Variants in CELF1 observed in about 807,000 individuals in gnomAD.
CELF1 encodes CUGBP Elav-like family member 1, also known as 50 kDa nuclear polyadenylated RNA-binding protein.
In CELF1, 10 loss-of-function variants were observed where a neutral mutation model predicts 61.8. The observed-to-expected ratio is 0.16, with a 90% CI of 0.10 to 0.27. The LOEUF (loss-of-function observed/expected upper bound fraction) is 0.27, where lower values mean the gene tolerates loss of function less well. CELF1 is among the 10% of genes least tolerant of loss of function. The probability of loss-of-function intolerance (pLI) is 1.00; values close to 1 mark genes in which losing one functional copy is unlikely to be tolerated. For missense variants in CELF1, 380 were observed against 639.1 expected, an observed-to-expected ratio of 0.59 and a Z score of 4.37; for synonymous variants, 236 against 225.1, an observed-to-expected ratio of 1.05 and a Z score of -0.43.
chr11:47,565,169 T>TG (rs11388224), intron 1 of CELF1: 151,958 of 152,644 alleles, frequency 1, 75,640 homozygotes, highest in Middle Eastern at 1. Context: ...CACCCGCACC[T>TG]GGGTCACTGC....
Position 47,486,913 on chromosome 11 carries a change from C to G in CELF1, c.343-115G>C, listed in dbSNP as rs973411076. 3.5e-6 allele frequency: 3 copies of G among 848,278 alleles called. No homozygotes were observed. The African/African-American group carries it at 5.1e-5, about 14-fold the overall frequency. 52.5% of individuals were successfully genotyped at this position (848,278 alleles called of 1,614,324 possible). A position where few individuals can be genotyped will look rare whatever the true frequency, so the allele number is the denominator to read the frequency against. On this transcript the variant is annotated intron_variant, in intron 5 of 14. Coordinates refer to ENST00000687097, the MANE Select transcript of CELF1 (RefSeq NM_001376376.1). The stretch of plus-strand genomic sequence containing the variant: ...TAAAGAGTTCTCTCTGAACTCATGT[C>G]TGCTTCATGATCTTTCCCCAGAAAA...
At chr11:47,545,915 AT>A (rs11315630) in intron 1 of CELF1, among the ~76,000 whole-genome samples, 28,220 of 135,624 alleles carry the variant, frequency 0.21, 3,438 homozygotes, top group East Asian at 0.31. Flanking sequence ...GTATATATAT[AT>A]TTTTTTTTTT....
intron 9 of CELF1, among the ~76,000 whole-genome samples, chr11:47,479,229 CA>C (rs2081607225): frequency 6.6e-6 from 1 of 152,118 alleles, no homozygotes; most frequent in African/African-American, 2.4e-5. Context: ...CAGCAAAGGA[CA>C]GAACTACAGC....
intron 1 of CELF1, among the ~76,000 whole-genome samples, chr11:47,544,843 T>A (rs1190790826): frequency 2.0e-5 from 3 of 151,486 alleles, no homozygotes; most frequent in African/African-American, 7.3e-5. Context: ...ATGCCTATAA[T>A]CCCAGCTACT....
At position 47,502,658 on chromosome 11, in the gene CELF1, C is replaced by T. The variant is rs564738580; in HGVS notation, c.-153-1726G>A. Among the ~76,000 whole-genome samples, 61 of 152,192 alleles carry T rather than the reference C, an allele frequency of 4.0e-4. 1 individual carries two copies. In the South Asian group the frequency reaches 0.011, roughly 28 times the overall value. On this transcript the variant is annotated intron_variant, in intron 1 of 14. Coordinates refer to ENST00000687097, the MANE Select transcript of CELF1 (RefSeq NM_001376376.1). Reference sequence around the variant, plus strand: ...CCATCCTGGCTAACACGGTGAAACCCTGTCTCTACTAAAAATACAAAAAAT... The same window carrying T: ...CCATCCTGGCTAACACGGTGAAACCTTGTCTCTACTAAAAATACAAAAAAT...
Position 47,525,253 on chromosome 11 carries a change from A to G in CELF1, c.-153-24321T>C, listed in dbSNP as rs144554700. On this transcript the variant is annotated intron_variant, in intron 1 of 14. Coordinates refer to ENST00000687097, the MANE Select transcript of CELF1 (RefSeq NM_001376376.1). ...AACTCTAATATAATTTTTAAAATCTATGTCTGAGGATGATGGCTTATATAA... is the reference window on the plus strand; with the variant it reads ...AACTCTAATATAATTTTTAAAATCTGTGTCTGAGGATGATGGCTTATATAA... Among the ~76,000 whole-genome samples, 860 of 152,264 alleles carry G rather than the reference A, an allele frequency of 5.6e-3. 11 individuals are homozygous for G. The highest frequency in any genetic ancestry group is 0.019 in the African/African-American group (778 of 41,540).
At chr11:47,480,107 T>TTTTTA (rs2082160238) in intron 9 of CELF1, among the ~76,000 whole-genome samples, 2 of 151,032 alleles carry the variant, frequency 1.3e-5, no homozygotes, top group African/African-American at 4.9e-5. Flanking sequence ...TTTTTTTTTT[T>TTTTTA]GAGACGGAGT....
chr11:47,522,213 G>A lies in CELF1; in HGVS notation c.-153-21281C>T, dbSNP rs376666031. Among the ~76,000 whole-genome samples the A allele has an allele frequency of 1.1e-3, 170 of 151,082 alleles. 3 individuals are homozygous for A. The South Asian group carries it at 0.035, about 31-fold the overall frequency. ...CAGGTGTGAGCCACCTTGCCCAGCT[G>A]AAATTTTTTTTATCATTAACACTTG... On this transcript the variant is annotated intron_variant, in intron 1 of 14. Transcript: ENST00000687097.
At chr11:47,495,415 A>T (rs1024219239) in intron 3 of CELF1, among the ~76,000 whole-genome samples, 1 of 152,130 alleles carries the variant, frequency 6.6e-6, no homozygotes, top group Non-Finnish European at 1.5e-5. Context: ...AGAAGAGGGG[A>T]ATGGTTGCTA....
chr11:47,472,977 C>A, intron 14 of CELF1, 111 bp downstream of exon 14: 2 of 1,270,012 alleles, frequency 1.6e-6, no homozygotes, highest in Non-Finnish European at 1.1e-6. Flanking sequence ...TGCCCATGGC[C>A]AAGTTAAAAC....
chr11:47,499,738 A>T (rs1460925275), intron 2 of CELF1, 134 bp from the exon 3 acceptor site: 1 of 564,034 alleles, frequency 1.8e-6, no homozygotes, highest in Non-Finnish European at 3.2e-6. Context: ...TGACCATGTG[A>T]AGGGAGGCTC....
chr11:47,548,560 A>C (rs971935290), intron 1 of CELF1, among the ~76,000 whole-genome samples: 5 of 152,152 alleles, frequency 3.3e-5, no homozygotes, highest in African/African-American at 1.2e-4. Flanking sequence ...CTATCTAATA[A>C]GGGGTTAATA....
chr11:47,492,403 A>G (rs561148475), intron 3 of CELF1, among the ~76,000 whole-genome samples: 2 of 152,188 alleles, frequency 1.3e-5, no homozygotes, highest in African/African-American at 4.8e-5. Flanking sequence ...CTTAATCCTA[A>G]TGTTCCAACA....
chr11:47,502,037 C>T (rs60929305), intron 1 of CELF1, among the ~76,000 whole-genome samples: 31,079 of 152,114 alleles, frequency 0.2, 3,700 homozygotes, highest in East Asian at 0.3. Flanking sequence ...ATGTGCTCTC[C>T]TTAAAATAGT....
chr11:47,508,340 T>C (rs1464765910), intron 1 of CELF1, among the ~76,000 whole-genome samples: 2 of 151,620 alleles, frequency 1.3e-5, no homozygotes, highest in Admixed American at 1.3e-4. Context: ...ATGTGATTGG[T>C]TTTTCATAGG....
At chr11:47,521,383 T>C (rs1432698545) in intron 1 of CELF1, among the ~76,000 whole-genome samples, 2 of 152,252 alleles carry the variant, frequency 1.3e-5, no homozygotes, top group African/African-American at 2.4e-5. Flanking sequence ...CATAATTTAA[T>C]AATCTCAAAT....
chr11:47,499,831 CAGAT>C, intron 2 of CELF1: 1 of 300,400 alleles, frequency 3.3e-6, no homozygotes, highest in East Asian at 6.4e-5. Context: ...AGTGCACTGT[CAGAT>C]AAATAGTGTC....
upstream of CELF1, among the ~76,000 whole-genome samples, chr11:47,557,328 C>T (rs1022134019): frequency 6.7e-6 from 1 of 149,642 alleles, no homozygotes; most frequent in Non-Finnish European, 1.5e-5. Context: ...AAGCGATTCT[C>T]CTGCCTCAGC....
At chr11:47,552,746 G>A (rs1400433195) in intron 1 of CELF1, among the ~76,000 whole-genome samples, 3 of 152,308 alleles carry the variant, frequency 2.0e-5, no homozygotes, top group African/African-American at 7.2e-5. Flanking sequence ...CACGAGGAGG[G>A]CGGGTCTCCC....
Sources: allele counts gnomAD v4.1 joint callset (sites outside exome capture counted in the v4.1 genomes callset), GRCh38; gene constraint gnomAD v4.1.1; transcripts MANE v1.5; gene names NCBI Gene and HGNC (gene_info 2026-07-23, HGNC 2026-07-21).